STXBP4: variants seen among roughly 807,000 people sequenced by gnomAD.
The protein encoded by STXBP4 is syntaxin binding protein 4.
STXBP4 carries 55 observed loss-of-function variants against 76.1 expected under a neutral mutation model. That is an observed-to-expected ratio of 0.72 (90% CI 0.58 to 0.91). The LOEUF is 0.91. Ranked by LOEUF, STXBP4 falls within the 40% of genes least tolerant of loss-of-function variation. The probability of loss-of-function intolerance (pLI) is 0.00; values close to 1 mark genes in which losing one functional copy is unlikely to be tolerated. For synonymous variants in STXBP4, 201 were observed against 220.2 expected, an observed-to-expected ratio of 0.91 and a Z score of 0.77; for missense variants, 618 against 636.9, an observed-to-expected ratio of 0.97 and a Z score of 0.32.
chr17:55,062,815 A>G (rs2079010128), intron 12 of STXBP4, among the ~76,000 whole-genome samples: 1 of 152,150 alleles, frequency 6.6e-6, no homozygotes, highest in Non-Finnish European at 1.5e-5. Context: ...ATGCTATCTC[A>G]TTGTGGTTTT....
intron 7 of STXBP4, among the ~76,000 whole-genome samples, chr17:55,002,835 A>G (rs2077942693): frequency 6.6e-6 from 1 of 152,174 alleles, no homozygotes; most frequent in Admixed American, 6.5e-5. Flanking sequence ...TTGCATGTCA[A>G]GCACTTATAT....
chr17:55,122,814 A>C (rs2079861524), intron 16 of STXBP4, among the ~76,000 whole-genome samples: 1 of 152,212 alleles, frequency 6.6e-6, no homozygotes, highest in South Asian at 2.1e-4. Context: ...AAAGTAAAAG[A>C]AGAAACTTTT....
At chr17:55,119,754 G>A (rs1045702304) in intron 16 of STXBP4, among the ~76,000 whole-genome samples, 4 of 149,180 alleles carry the variant, frequency 2.7e-5, no homozygotes, top group African/African-American at 9.9e-5. Context: ...CTTTAACTCA[G>A]TTTATGTTCT....
At chr17:55,025,676 A>G (rs1409853325) in intron 8 of STXBP4, among the ~76,000 whole-genome samples, 2 of 152,250 alleles carry the variant, frequency 1.3e-5, no homozygotes, top group Non-Finnish European at 2.9e-5. Context: ...CCTACTGCTA[A>G]CATCATGCTT....
chr17:55,190,061 G>A, the STXBP4 span, among the ~76,000 whole-genome samples: 1 of 152,206 alleles, frequency 6.6e-6, no homozygotes, highest in Non-Finnish European at 1.5e-5. Context: ...AAATTGGCTA[G>A]ATTTCCAAGT....
rs1194595670 is a variant in STXBP4, at chr17:55,000,822, C to T, written c.513C>T (p.Tyr171=). Reference sequence around the variant, plus strand: ...TTCTTTCACAGATAAAAACTGGATACAACAAAACAGTACAGATTCCAATTA... The same window carrying T: ...TTCTTTCACAGATAAAAACTGGATATAACAAAACAGTACAGATTCCAATTA... ...ILSSCEIKTG[Y]NKTVQIPITS... is the part of the protein sequence containing the mutation. Residue 171 remains tyrosine (Y), a synonymous_variant, in exon 7 of 18, where the codon TAC becomes TAT. Coordinates refer to ENST00000376352, the MANE Select transcript of STXBP4 (RefSeq NM_178509.6). 6.2e-7 allele frequency: 1 copy of T among 1,610,116 alleles called. No individual in the cohort carries two copies. Among genetic ancestry groups the T allele is most frequent in the South Asian group, 1.1e-5 (1 of 90,888 alleles).
At chr17:55,072,263 A>T (rs1353585046) in intron 12 of STXBP4, among the ~76,000 whole-genome samples, 1 of 152,108 alleles carries the variant, frequency 6.6e-6, no homozygotes, top group Non-Finnish European at 1.5e-5. Flanking sequence ...TCTTTCTCTC[A>T]ATATTGTTTT....
At chr17:55,014,446 G>T (rs187994957) in intron 8 of STXBP4, among the ~76,000 whole-genome samples, 1 of 152,148 alleles carries the variant, frequency 6.6e-6, no homozygotes, top group Non-Finnish European at 1.5e-5. Flanking sequence ...CAACTTAGTG[G>T]CTGGGAGAAG....
chr17:55,142,405 T>A (rs2080103924), intron 17 of STXBP4, among the ~76,000 whole-genome samples: 2 of 152,170 alleles, frequency 1.3e-5, no homozygotes, highest in South Asian at 4.1e-4. Flanking sequence ...CCCTTTCAAA[T>A]GTGCAAATAT....
chr17:55,118,906 C>G (rs946871758), intron 16 of STXBP4, among the ~76,000 whole-genome samples: 1 of 150,228 alleles, frequency 6.7e-6, no homozygotes. Context: ...TTTTTAGAAC[C>G]ACTTTCTCCA....
intron 12 of STXBP4, among the ~76,000 whole-genome samples, chr17:55,064,966 G>T (rs1475090373): frequency 2.0e-5 from 3 of 151,960 alleles, no homozygotes. Flanking sequence ...TTAGATATAT[G>T]GTATGAGATG....
At chr17:55,188,514 T>C in the STXBP4 span, among the ~76,000 whole-genome samples, 1 of 152,324 alleles carries the variant, frequency 6.6e-6, no homozygotes, top group Admixed American at 6.5e-5. Context: ...CACGCACCTC[T>C]TTCTCTCCAG....
the STXBP4 span, among the ~76,000 whole-genome samples, chr17:55,212,470 T>C: frequency 6.6e-6 from 1 of 152,218 alleles, no homozygotes; most frequent in Non-Finnish European, 1.5e-5. Context: ...ATGTTTAGTG[T>C]TCAATATATG....
intron 9 of STXBP4, among the ~76,000 whole-genome samples, chr17:55,032,819 A>G (rs1432579680): frequency 6.6e-6 from 1 of 152,176 alleles, no homozygotes; most frequent in Non-Finnish European, 1.5e-5. Flanking sequence ...AGACTATGGT[A>G]TTCTCTCTGA....
intron 1 of STXBP4, among the ~76,000 whole-genome samples, chr17:54,979,845 C>T (rs1211368917): frequency 6.6e-6 from 1 of 152,148 alleles, no homozygotes; most frequent in Admixed American, 6.5e-5. Context: ...ACTAAAAAGA[C>T]ATTAGAGCTC....
intron 12 of STXBP4, among the ~76,000 whole-genome samples, chr17:55,070,718 CT>C (rs1340427028): frequency 1.3e-5 from 2 of 152,092 alleles, no homozygotes; most frequent in East Asian, 1.9e-4. Flanking sequence ...TTTCCACGAC[CT>C]TTTTTTATCC....
At chr17:55,080,147 A>C (rs929624216) in intron 15 of STXBP4, among the ~76,000 whole-genome samples, 1 of 152,190 alleles carries the variant, frequency 6.6e-6, no homozygotes, top group Non-Finnish European at 1.5e-5. Flanking sequence ...TAAAATGACT[A>C]TTTAAAAGCC....
rs879264200 is a variant in STXBP4 at position 55,161,177 on chromosome 17, GATATAC to G, written c.*1275_*1280del. Reference sequence around the variant, plus strand: ...GTATAATACAGATTTATATGGTAAAGATATACATATACATTGTGCTCAACTATACAT... The same window carrying G: ...GTATAATACAGATTTATATGGTAAAGATATACATTGTGCTCAACTATACAT... On this transcript the variant is annotated 3_prime_UTR_variant, in exon 18 of 18. Transcript: ENST00000376352. 6.6e-6 allele frequency: 1 copy of G among 152,208 alleles called. No individual in the cohort carries two copies. Among genetic ancestry groups the G allele is most frequent in the Non-Finnish European group, 1.5e-5 (1 of 68,044 alleles). The allele number at this position is 152,208 out of a possible 1,614,324, so 9.4% of individuals were successfully genotyped here.
At chr17:55,196,163 G>T in the STXBP4 span, among the ~76,000 whole-genome samples, 5 of 152,100 alleles carry the variant, frequency 3.3e-5, no homozygotes, top group African/African-American at 7.2e-5. Flanking sequence ...AGTCTCAGGA[G>T]AGCTGGTCAG....
Sources: allele counts gnomAD v4.1 joint callset (sites outside exome capture counted in the v4.1 genomes callset), GRCh38; gene constraint gnomAD v4.1.1; transcripts MANE v1.5; gene names NCBI Gene and HGNC (gene_info 2026-07-23, HGNC 2026-07-21).